IGSF21: variants seen among roughly 807,000 people sequenced by gnomAD.
IGSF21 encodes immunoglobulin superfamily member 21.
In IGSF21, 28 loss-of-function variants were observed where a neutral mutation model predicts 46.8. The ratio of observed to expected loss-of-function variants is 0.60; its 90% CI spans 0.44 to 0.82. The LOEUF is 0.82. Ranked by LOEUF, IGSF21 falls within the 40% of genes least tolerant of loss-of-function variation. IGSF21 has a pLI of 0.00. For synonymous variants in IGSF21, 284 were observed against 273.6 expected, an observed-to-expected ratio of 1.04 and a Z score of -0.38; for missense variants, 624 against 665.5, an observed-to-expected ratio of 0.94 and a Z score of 0.69.
intron 1 of IGSF21, among the ~76,000 whole-genome samples, chr1:18,154,952 A>C (rs753982115): frequency 6.6e-6 from 1 of 151,972 alleles, no homozygotes; most frequent in Non-Finnish European, 1.5e-5. Context: ...CAGACTGTGA[A>C]GTGCAGGAGG....
chr1:18,297,610 A>C (rs1032529602), intron 3 of IGSF21, among the ~76,000 whole-genome samples: 5 of 152,096 alleles, frequency 3.3e-5, no homozygotes. Context: ...GATTGGTTCC[A>C]GGACACCCCC....
chr1:18,259,652 G>A (rs2124535109), intron 2 of IGSF21, among the ~76,000 whole-genome samples: 1 of 152,266 alleles, frequency 6.6e-6, no homozygotes, highest in Middle Eastern at 3.4e-3. Context: ...AAAGTGTGAG[G>A]GATGAGGCTC....
chr1:18,313,664 C>T (rs955239005), intron 3 of IGSF21, among the ~76,000 whole-genome samples: 2 of 152,170 alleles, frequency 1.3e-5, no homozygotes, highest in African/African-American at 2.4e-5. Context: ...CCTCTGGTTA[C>T]ACAGGGCTCT....
chr1:18,132,001 A>G (rs1464432550), intron 1 of IGSF21, among the ~76,000 whole-genome samples: 1 of 152,164 alleles, frequency 6.6e-6, no homozygotes, highest in Non-Finnish European at 1.5e-5. Context: ...GCCAGCTGCT[A>G]TCTCTACTTT....
At chr1:18,192,379 A>T (rs560141899) in intron 1 of IGSF21, among the ~76,000 whole-genome samples, 59 of 152,182 alleles carry the variant, frequency 3.9e-4, no homozygotes, top group Non-Finnish European at 7.1e-4. Flanking sequence ...CAGTTTTCTC[A>T]TCTGCAAGAT....
At chr1:18,361,114 A>AC (rs2086095703) in intron 4 of IGSF21, among the ~76,000 whole-genome samples, 1 of 152,156 alleles carries the variant, frequency 6.6e-6, no homozygotes, top group East Asian at 1.9e-4. Flanking sequence ...TCCTGGCCAC[A>AC]AATAGCTGTC....
At chr1:18,227,322 C>T (rs2084578124) in intron 1 of IGSF21, among the ~76,000 whole-genome samples, 1 of 152,022 alleles carries the variant, frequency 6.6e-6, no homozygotes, top group African/African-American at 2.4e-5. Context: ...GGAGTATGGG[C>T]ACTTAGAACA....
Position 18,322,398 on chromosome 1 carries a change from G to A in IGSF21, c.306-12494G>A, listed in dbSNP as rs2085612130. Among the ~76,000 whole-genome samples, 1 of 152,130 alleles carries A rather than the reference G, an allele frequency of 6.6e-6. No individual in the cohort carries two copies. The highest frequency in any genetic ancestry group is 1.5e-5 in the Non-Finnish European group (1 of 68,036). On this transcript the variant is annotated intron_variant, in intron 3 of 9. Coordinates refer to ENST00000251296, the MANE Select transcript of IGSF21 (RefSeq NM_032880.5). The surrounding 1 kb of genome is among the most constrained non-coding windows in gnomAD (Gnocchi z 4.3). Reference sequence around the variant, plus strand: ...GGTGGAGGCAGGCTTGGTTCCAACAGGCTTGGGGCCTTCCTGATGCCAGCT... The same window carrying A: ...GGTGGAGGCAGGCTTGGTTCCAACAAGCTTGGGGCCTTCCTGATGCCAGCT...
intron 1 of IGSF21, among the ~76,000 whole-genome samples, chr1:18,210,340 C>A (rs2124490197): frequency 6.6e-6 from 1 of 152,284 alleles, no homozygotes; most frequent in East Asian, 1.9e-4. Flanking sequence ...TGTAAAGGGA[C>A]TTTCTCATAG....
chr1:18,341,190 C>T (rs919813860), intron 4 of IGSF21, among the ~76,000 whole-genome samples: 4 of 150,190 alleles, frequency 2.7e-5, no homozygotes, highest in African/African-American at 9.8e-5. Context: ...GCCTCAAATG[C>T]CTGAGTTCAA....
At chr1:18,240,237 C>T (rs1356733870) in intron 2 of IGSF21, among the ~76,000 whole-genome samples, 1 of 152,192 alleles carries the variant, frequency 6.6e-6, no homozygotes, top group Non-Finnish European at 1.5e-5. Context: ...GCTGTGATTG[C>T]ACCGCTGCAC....
At chr1:18,211,704 A>C (rs1035018369) in intron 1 of IGSF21, among the ~76,000 whole-genome samples, 80 of 152,190 alleles carry the variant, frequency 5.3e-4, no homozygotes, top group African/African-American at 1.9e-3. Context: ...TATTAAGACC[A>C]GTTTTATAAC....
At chr1:18,345,361 T>C (rs1174443494) in intron 4 of IGSF21, among the ~76,000 whole-genome samples, 1 of 152,304 alleles carries the variant, frequency 6.6e-6, no homozygotes, top group East Asian at 1.9e-4. Flanking sequence ...CTAATAGTAA[T>C]AAAAGTGTTT....
At chr1:18,300,481 C>A (rs140382200) in intron 3 of IGSF21, among the ~76,000 whole-genome samples, 1 of 152,188 alleles carries the variant, frequency 6.6e-6, no homozygotes, top group Admixed American at 6.5e-5. Context: ...GATGAAATAG[C>A]CAGGCCAGCC....
chr1:18,350,839 C>A (rs1046104354), intron 4 of IGSF21, among the ~76,000 whole-genome samples: 1 of 152,252 alleles, frequency 6.6e-6, no homozygotes, highest in Admixed American at 6.5e-5. Flanking sequence ...CAGAGCCCCC[C>A]GGGAAATCTC....
At chr1:18,256,282 C>T (rs1418931891) in intron 2 of IGSF21, among the ~76,000 whole-genome samples, 3 of 152,168 alleles carry the variant, frequency 2.0e-5, no homozygotes, top group Admixed American at 6.5e-5. Flanking sequence ...TGCACTGAGA[C>T]GCAACTGCAC....
chr1:18,378,230 G>A, intron 9 of IGSF21, 26 bp from the exon 10 acceptor site: 1 of 1,609,546 alleles, frequency 6.2e-7, no homozygotes, highest in Non-Finnish European at 8.5e-7. Flanking sequence ...TGCAGGCTCT[G>A]ACCCTTTCCC....
At chr1:18,151,858 A>G (rs2086524710) in intron 1 of IGSF21, among the ~76,000 whole-genome samples, 1 of 152,176 alleles carries the variant, frequency 6.6e-6, no homozygotes, top group Non-Finnish European at 1.5e-5. Flanking sequence ...GTGACCGTAT[A>G]ATTCATCTTC....
rs561034365 is a variant in IGSF21, at chr1:18,281,408, A to G, written c.184-10458A>G. ...AACCCTGAGGTCTCTACTAAAAAAA[A>G]TATAAAAACTAGCCAGTCGTGGTGG... On this transcript the variant is annotated intron_variant, in intron 2 of 9. Transcript: ENST00000251296. 2.6e-5 allele frequency among the ~76,000 whole-genome samples: 4 copies of G among 152,122 alleles called. No homozygotes were observed. The East Asian group carries it at 7.8e-4, about 30-fold the overall frequency.
Sources: allele counts gnomAD v4.1 joint callset (sites outside exome capture counted in the v4.1 genomes callset), GRCh38; gene constraint gnomAD v4.1.1; non-coding constraint Gnocchi (gnomAD v3.1); transcripts MANE v1.5; gene names NCBI Gene and HGNC (gene_info 2026-07-23, HGNC 2026-07-21).